Variants in UROS observed in about 807,000 individuals in gnomAD.
UROS encodes uroporphyrinogen-III synthase.
In UROS, 18 loss-of-function variants were observed where a neutral mutation model predicts 33.0. The observed-to-expected ratio is 0.55, with a 90% CI of 0.38 to 0.81. The LOEUF is 0.81. UROS is among the 30% of genes least tolerant of loss of function. The pLI is 0.00. For missense variants in UROS, 293 were observed against 314.9 expected (o/e 0.93, Z 0.53); for synonymous variants, 114 against 121.1 (o/e 0.94, Z 0.38).
Position 125,818,120 on chromosome 10 carries a change from G to A in UROS, c.-26-1595C>T, listed in dbSNP as rs565756361. On this transcript the variant is annotated intron_variant, in intron 1 of 9. Coordinates refer to ENST00000368797, the MANE Select transcript of UROS (RefSeq NM_000375.3). ...CTACTACCCTTATCCTTTATCTGACGTCACTGAAAGCATTTGTCTTCTTTT... is the reference window on the plus strand; with the variant it reads ...CTACTACCCTTATCCTTTATCTGACATCACTGAAAGCATTTGTCTTCTTTT... 1.4e-3 allele frequency among the ~76,000 whole-genome samples: 207 copies of A among 152,200 alleles called. 2 individuals carry two copies. The highest frequency in any genetic ancestry group is 1.9e-4 in the East Asian group (1 of 5,184).
intron 9 of UROS, among the ~76,000 whole-genome samples, chr10:125,790,090 G>T (rs552027904): frequency 2.0e-5 from 3 of 152,202 alleles, no homozygotes; most frequent in Admixed American, 2.0e-4. Context: ...CATAACCTCG[G>T]ATGCTGCGGG....
intron 6 of UROS, among the ~76,000 whole-genome samples, chr10:125,799,987 T>C (rs1210020253): frequency 1.3e-5 from 2 of 152,112 alleles, no homozygotes; most frequent in African/African-American, 4.8e-5. Context: ...ACTGTGGAGC[T>C]CAAAGGCTCT....
chr10:125,813,458 G>GA (rs1354838355), intron 4 of UROS, among the ~76,000 whole-genome samples: 4 of 152,058 alleles, frequency 2.6e-5, no homozygotes, highest in Non-Finnish European at 2.9e-5. Context: ...TACACAAAAA[G>GA]AAAAAATACA....
intron 4 of UROS, 79 bp from the exon 5 acceptor site, chr10:125,812,367 C>T: frequency 7.6e-7 from 1 of 1,317,504 alleles, no homozygotes; most frequent in Non-Finnish European, 1.1e-6. Context: ...GCTTGTTCAC[C>T]CTAAGAAACT....
intron 4 of UROS, 114 bp downstream of exon 4, chr10:125,814,920 C>T: frequency 8.4e-7 from 1 of 1,185,212 alleles, no homozygotes; most frequent in Non-Finnish European, 1.2e-6. Context: ...TGACCTGATA[C>T]CACTAAGCAC....
chr10:125,801,499 C>T (rs1323699694), intron 6 of UROS, among the ~76,000 whole-genome samples: 1 of 152,196 alleles, frequency 6.6e-6, no homozygotes, highest in Non-Finnish European at 1.5e-5. Flanking sequence ...GGCCTGTTTA[C>T]TACAAGCATT....
intron 6 of UROS, among the ~76,000 whole-genome samples, chr10:125,800,109 G>T (rs7476207): frequency 6.6e-6 from 1 of 152,034 alleles, no homozygotes; most frequent in Non-Finnish European, 1.5e-5. Flanking sequence ...CAGCTCAGGA[G>T]GGGGCTTGAT....
chr10:125,817,616 T>A (rs1206310441), intron 1 of UROS, among the ~76,000 whole-genome samples: 1 of 111,462 alleles, frequency 9.0e-6, no homozygotes, highest in Non-Finnish European at 1.9e-5. Flanking sequence ...TCAAAGAAGA[T>A]AAAAACAGCG....
At chr10:125,809,543 C>T (rs918028274) in intron 5 of UROS, among the ~76,000 whole-genome samples, 4 of 152,068 alleles carry the variant, frequency 2.6e-5, no homozygotes, top group Non-Finnish European at 4.4e-5. Flanking sequence ...GTAAGTGAAA[C>T]GACATACAGC....
chr10:125,797,933 C>G, intron 7 of UROS, 132 bp downstream of exon 7: 1 of 1,015,064 alleles, frequency 9.9e-7, no homozygotes, highest in Non-Finnish European at 1.5e-6. Context: ...CTCTGTGTCT[C>G]CTGGCCTGGC....
chr10:125,795,090 T>A, intron 8 of UROS, 112 bp from the exon 9 acceptor site: 1 of 1,011,494 alleles, frequency 9.9e-7, no homozygotes, highest in Non-Finnish European at 1.5e-6. Context: ...AAGGCGGTTT[T>A]AGCACAGGAG....
intron 9 of UROS, among the ~76,000 whole-genome samples, chr10:125,789,760 G>A (rs994875127): frequency 6.6e-6 from 1 of 152,150 alleles, no homozygotes; most frequent in Non-Finnish European, 1.5e-5. Flanking sequence ...GCAGAGCCTC[G>A]CCTGGGATGG....
At chr10:125,816,588 G>A (rs1308509327) in intron 1 of UROS, 63 bp from the exon 2 acceptor site, 6 of 1,505,056 alleles carry the variant, frequency 4.0e-6, no homozygotes, top group East Asian at 4.5e-5. Flanking sequence ...AGCAATTTCC[G>A]ATGGGGACGG....
chr10:125,798,159 A>T lies in UROS; in HGVS notation c.395-14T>A. 1.2e-6 allele frequency: 2 copies of T among 1,613,338 alleles called. No individual in the cohort carries two copies. Among genetic ancestry groups the T allele is most frequent in the Non-Finnish European group, 1.7e-6 (2 of 1,179,402 alleles). On this transcript the variant is annotated splice_polypyrimidine_tract_variant and intron_variant, in intron 6 of 9. Transcript: ENST00000368797. The stretch of plus-strand genomic sequence containing the variant: ...CTGAGGACTCCCCTGTGAATAAATA[A>T]CCAGGCTTTGTGAAAACTCAGGGCC...
At chr10:125,796,911 A>T (rs1477361634) in intron 7 of UROS, 2 of 960,376 alleles carry the variant, frequency 2.1e-6, no homozygotes, top group Non-Finnish European at 2.5e-6. Flanking sequence ...ACTTCAGCAT[A>T]AAACAGCAAC....
Position 125,822,281 on chromosome 10 carries a change from C to A in UROS, c.-27+748G>T, listed in dbSNP as rs151250670. ...CTCCACTCTTCTCTCCAAATAGGCTCGGGTCTTTAACCTAGACTACCCCAC... is the reference window on the plus strand; with the variant it reads ...CTCCACTCTTCTCTCCAAATAGGCTAGGGTCTTTAACCTAGACTACCCCAC... On this transcript the variant is annotated intron_variant, in intron 1 of 9. Coordinates refer to ENST00000368797, the MANE Select transcript of UROS (RefSeq NM_000375.3). Among the ~76,000 whole-genome samples the A allele has an allele frequency of 9.4e-3, 1,420 of 151,276 alleles. 4 individuals are homozygous for A. Among genetic ancestry groups the A allele is most frequent in the Non-Finnish European group, 0.015 (991 of 67,878 alleles).
At chr10:125,801,246 A>G (rs1430992304) in intron 6 of UROS, among the ~76,000 whole-genome samples, 1 of 152,144 alleles carries the variant, frequency 6.6e-6, no homozygotes, top group Non-Finnish European at 1.5e-5. Flanking sequence ...TTTCAAATAA[A>G]CTGCAGTGCA....
At chr10:125,787,553 G>A (rs1850670938), downstream of UROS, among the ~76,000 whole-genome samples, 1 of 152,068 alleles carries the variant, frequency 6.6e-6, no homozygotes. Flanking sequence ...CCAATTCAGG[G>A]GACTCTCTGG....
At chr10:125,816,575 C>G in intron 1 of UROS, 50 bp from the exon 2 acceptor site, 1 of 1,586,588 alleles carries the variant, frequency 6.3e-7, no homozygotes, top group South Asian at 1.1e-5. Context: ...AAGACTCTTC[C>G]TAAGCAATTT....
Sources: allele counts gnomAD v4.1 joint callset (sites outside exome capture counted in the v4.1 genomes callset), GRCh38; gene constraint gnomAD v4.1.1; transcripts MANE v1.5; gene names NCBI Gene and HGNC (gene_info 2026-07-23, HGNC 2026-07-21).